PPA2: variants seen among roughly 807,000 people sequenced by gnomAD.
The protein encoded by PPA2 is inorganic pyrophosphatase 2.
A neutral mutation model predicts 49.5 loss-of-function variants in PPA2; 48 were observed. That is an observed-to-expected ratio of 0.97 (90% CI 0.77 to 1.23). PPA2 has a LOEUF of 1.23. Ranked by LOEUF, PPA2 falls within the 50% of genes most tolerant of loss-of-function variation. PPA2 has a pLI of 0.00. For synonymous variants in PPA2, 131 were observed against 139.9 expected, an observed-to-expected ratio of 0.94 and a Z score of 0.45; for missense variants, 429 against 410.1, an observed-to-expected ratio of 1.05 and a Z score of -0.40.
At chr4:105,473,775 G>T in intron 1 of PPA2, 119 bp downstream of exon 1, 1 of 1,430,786 alleles carries the variant, frequency 7.0e-7, no homozygotes, top group African/African-American at 1.4e-5. Context: ...CGCGGCTACC[G>T]CTGAGGGCCC....
intron 8 of PPA2, 66 bp from the exon 9 acceptor site, chr4:105,396,400 A>G: frequency 9.2e-7 from 1 of 1,090,062 alleles, no homozygotes; most frequent in Non-Finnish European, 1.3e-6. Context: ...CACTAACACA[A>G]AACTAATCTT....
chr4:105,425,308 C>CT (rs1409373196), intron 6 of PPA2, among the ~76,000 whole-genome samples: 9 of 151,934 alleles, frequency 5.9e-5, no homozygotes, highest in Admixed American at 2.6e-4. Context: ...AACCTCAAAA[C>CT]AACTACTGTA....
intron 1 of PPA2, among the ~76,000 whole-genome samples, chr4:105,458,593 G>A (rs1205480772): frequency 2.6e-5 from 4 of 151,862 alleles, no homozygotes; most frequent in East Asian, 1.9e-4. Context: ...AGGCTGAGGC[G>A]GGAGGATCAC....
chr4:105,455,048 A>T (rs982219225), intron 2 of PPA2, among the ~76,000 whole-genome samples: 8 of 152,240 alleles, frequency 5.3e-5, no homozygotes, highest in Middle Eastern at 3.4e-3. Flanking sequence ...TTTTTATAGC[A>T]CTTAACATTA....
At chr4:105,456,292 C>A (rs774519257) in intron 2 of PPA2, 1 of 460,284 alleles carries the variant, frequency 2.2e-6, no homozygotes, top group Non-Finnish European at 4.4e-6. Context: ...CCTCAGTGTC[C>A]TTGGAAAGAA....
rs143662667 is a variant in PPA2, at chr4:105,458,934, C to T, written c.158-2189G>A. On this transcript the variant is annotated intron_variant, in intron 1 of 11. Transcript: ENST00000341695. Reference sequence around the variant, plus strand: ...TTGTGCTTTACCTTAGCACTTATCACTAGAATTAAGTTCTGGAGTTTTTGT... The same window carrying T: ...TTGTGCTTTACCTTAGCACTTATCATTAGAATTAAGTTCTGGAGTTTTTGT... Among the ~76,000 whole-genome samples the T allele has an allele frequency of 9.2e-3, 1,386 of 150,622 alleles. 18 individuals are homozygous for T. The highest frequency in any genetic ancestry group is 0.032 in the African/African-American group (1,309 of 41,104).
intron 5 of PPA2, among the ~76,000 whole-genome samples, chr4:105,443,927 C>T (rs1036927262): frequency 3.9e-5 from 6 of 152,146 alleles, no homozygotes; most frequent in Admixed American, 3.3e-4. Context: ...TCACTGAGAT[C>T]GTCTCCCTGT....
At chr4:105,373,465 T>C (rs1335166105) in intron 10 of PPA2, among the ~76,000 whole-genome samples, 1 of 85,738 alleles carries the variant, frequency 1.2e-5, no homozygotes, top group African/African-American at 4.2e-5. Flanking sequence ...AATACAAAAT[T>C]TTTTTTCTCA....
At chr4:105,383,214 C>T (rs757639430) in intron 10 of PPA2, among the ~76,000 whole-genome samples, 1 of 152,120 alleles carries the variant, frequency 6.6e-6, no homozygotes, top group African/African-American at 2.4e-5. Context: ...TATTTGTAAA[C>T]AAAGCCCAAT....
intron 2 of PPA2, 77 bp from the exon 3 acceptor site, chr4:105,453,719 G>A: frequency 8.7e-7 from 1 of 1,148,352 alleles, no homozygotes; most frequent in Non-Finnish European, 1.3e-6. Context: ...ATAAAAATAT[G>A]ACTATTGTAT....
At chr4:105,413,959 C>A (rs766930265) in intron 7 of PPA2, among the ~76,000 whole-genome samples, 13 of 152,072 alleles carry the variant, frequency 8.5e-5, no homozygotes, top group Non-Finnish European at 1.9e-4. Context: ...TGTCTGCAAC[C>A]TAAATAATAA....
chr4:105,400,475 C>A (rs984846265), intron 7 of PPA2, among the ~76,000 whole-genome samples: 2 of 151,696 alleles, frequency 1.3e-5, no homozygotes, highest in Non-Finnish European at 2.9e-5. Flanking sequence ...ACTAAAAATA[C>A]AAAAAAAATT....
At chr4:105,406,995 T>G (rs1339489608) in intron 7 of PPA2, 2 of 151,468 alleles carry the variant, frequency 1.3e-5, no homozygotes, top group South Asian at 4.2e-4. Flanking sequence ...TTTAGATAAA[T>G]AGCACATACA....
chr4:105,439,673 G>A (rs983231732), intron 5 of PPA2, among the ~76,000 whole-genome samples: 6 of 151,046 alleles, frequency 4.0e-5, no homozygotes, highest in African/African-American at 1.5e-4. Flanking sequence ...TGGCATTTGT[G>A]ACAAATGCAA....
intron 6 of PPA2, among the ~76,000 whole-genome samples, chr4:105,433,151 G>GT (rs919093293): frequency 2.0e-5 from 3 of 151,886 alleles, no homozygotes; most frequent in Admixed American, 1.3e-4. Flanking sequence ...GCTAGGAGAA[G>GT]TTTTTTTTGA....
rs750492820 is a variant in PPA2, at chr4:105,453,646, TAAAAG to T, written c.223-9_223-5del. The T allele has an allele frequency of 4.4e-6, 7 of 1,604,640 alleles. No homozygotes were observed. Among genetic ancestry groups the T allele is most frequent in the Middle Eastern group, 1.7e-4 (1 of 5,984 alleles). On this transcript the variant is annotated splice_region_variant and splice_polypyrimidine_tract_variant and intron_variant, in intron 2 of 11. Coordinates refer to ENST00000341695, the MANE Select transcript of PPA2 (RefSeq NM_176869.3). ...TCTTCATAGGAATGCCATTTTCCTA[TAAAAG>T]AAAAGATGGTGAAAGACTGCAATAT...
intron 9 of PPA2, among the ~76,000 whole-genome samples, chr4:105,387,453 T>G (rs1423431408): frequency 2.0e-5 from 3 of 152,158 alleles, no homozygotes; most frequent in South Asian, 2.1e-4. Context: ...CCCCCTCAAG[T>G]GGACCTAAGG....
At chr4:105,431,214 A>G (rs1723783936) in intron 6 of PPA2, among the ~76,000 whole-genome samples, 1 of 152,204 alleles carries the variant, frequency 6.6e-6, no homozygotes, top group South Asian at 2.1e-4. Context: ...ATTTGTGTAC[A>G]CTTTAAATAG....
intron 1 of PPA2, among the ~76,000 whole-genome samples, chr4:105,464,199 T>G (rs1723207392): frequency 1.3e-5 from 2 of 152,220 alleles, no homozygotes; most frequent in Admixed American, 1.3e-4. Context: ...CGGCGTGACC[T>G]GGGTGTGAGA....
Sources: gnomAD v4.1 joint callset for allele counts (sites outside exome capture counted in the v4.1 genomes callset) on GRCh38, gnomAD v4.1.1 for gene constraint, MANE v1.5 for transcripts, NCBI Gene and HGNC (gene_info 2026-07-23, HGNC 2026-07-21) for gene names.